The following PIK3C2G variants were observed in gnomAD, a reference collection of about 807,000 sequenced individuals.
The protein encoded by PIK3C2G is phosphatidylinositol-4-phosphate 3-kinase catalytic subunit type 2 gamma, also known as phosphatidylinositol 3-kinase C2 domain-containing subunit gamma.
PIK3C2G carries 168 observed loss-of-function variants against 181.1 expected under a neutral mutation model. The ratio of observed to expected loss-of-function variants is 0.93; its 90% CI spans 0.82 to 1.05. PIK3C2G has a LOEUF of 1.05. PIK3C2G is among the 50% of genes least tolerant of loss of function. The pLI, the probability that PIK3C2G is intolerant of heterozygous loss-of-function variation, is 0.00. For synonymous variants in PIK3C2G, 573 were observed against 592.2 expected (o/e 0.97, Z 0.47); for missense variants, 1,869 against 1,732.8 (o/e 1.08, Z -1.40).
chr12:18,325,171 T>G, intron 8 of PIK3C2G, 73 bp downstream of exon 8: 2 of 818,900 alleles, frequency 2.4e-6, no homozygotes, highest in Non-Finnish European at 4.0e-6. Flanking sequence ...TCTAAAACTT[T>G]GCAAATTTTG....
At chr12:18,426,248 C>T (rs1945806075) in intron 18 of PIK3C2G, among the ~76,000 whole-genome samples, 1 of 152,094 alleles carries the variant, frequency 6.6e-6, no homozygotes, top group Non-Finnish European at 1.5e-5. Flanking sequence ...CCTTTATACA[C>T]TTGACTATCT....
chr12:18,399,724 C>A lies in PIK3C2G; in HGVS notation c.2192C>A (p.Ser731Tyr). 1 of 1,602,950 alleles carries A rather than the reference C, an allele frequency of 6.2e-7. No individual in the cohort carries two copies. The highest frequency in any genetic ancestry group is 8.5e-7 in the Non-Finnish European group (1 of 1,171,938). ...YRFYCNNENC[S>Y]LPLVLGSAPG... ...TTCTACTGCAATAATGAAAACTGCT[C>A]CCTTCCTTTAGTCCTGGGTAGTGCC... The change falls in exon 16 of 33, where the codon TCC becomes TAC. Residue 731 changes from serine (S) to tyrosine (Y), a missense_variant. Transcript: ENST00000538779.
At chr12:18,598,561 G>A (rs1947511379) in intron 30 of PIK3C2G, among the ~76,000 whole-genome samples, 1 of 151,446 alleles carries the variant, frequency 6.6e-6, no homozygotes, top group Non-Finnish European at 1.5e-5. Context: ...GAAAACCTAG[G>A]CATTACCATT....
At chr12:18,366,253 G>A (rs989300807) in intron 12 of PIK3C2G, among the ~76,000 whole-genome samples, 1 of 152,100 alleles carries the variant, frequency 6.6e-6, no homozygotes, top group Non-Finnish European at 1.5e-5. Flanking sequence ...TCTAAACAAC[G>A]TACTTTCAGC....
Position 18,265,706 on chromosome 12 carries a change from G to T in PIK3C2G, c.-79+4129G>T, listed in dbSNP as rs532546399. On this transcript the variant is annotated intron_variant, in intron 1 of 32. Transcript: ENST00000538779. ...TAACTTTGCTTTAATTTTTTTATGT[G>T]TTTCTGTTACAAAAACTATGCAATA... Among the ~76,000 whole-genome samples the T allele has an allele frequency of 9.2e-5, 14 of 151,900 alleles. No homozygotes were observed. In the South Asian group the frequency reaches 2.7e-3, roughly 29 times the overall value.
chr12:18,378,226 A>C (rs1444477187), intron 13 of PIK3C2G, among the ~76,000 whole-genome samples: 3 of 152,210 alleles, frequency 2.0e-5, no homozygotes, highest in Non-Finnish European at 4.4e-5. Context: ...AAGACATAAA[A>C]ATATGGTAAG....
At chr12:18,505,587 C>A in intron 24 of PIK3C2G, 126 bp downstream of exon 24, 1 of 562,124 alleles carries the variant, frequency 1.8e-6, no homozygotes, top group Non-Finnish European at 2.9e-6. Flanking sequence ...GTAATATAAA[C>A]ATGATAATAT....
chr12:18,503,210 G>C, intron 22 of PIK3C2G, 71 bp from the exon 23 acceptor site: 1 of 1,175,100 alleles, frequency 8.5e-7, no homozygotes, highest in South Asian at 1.6e-5. Context: ...AGCTATTGTT[G>C]TTATATTTCC....
chr12:18,251,733 T>A (rs1403335197), intron 1 of PIK3C2G, among the ~76,000 whole-genome samples: 1 of 152,066 alleles, frequency 6.6e-6, no homozygotes, highest in Non-Finnish European at 1.5e-5. Context: ...GCTTGATTTT[T>A]GTTAAATTAA....
At chr12:18,370,206 C>T (rs1193498814) in intron 12 of PIK3C2G, among the ~76,000 whole-genome samples, 1 of 152,166 alleles carries the variant, frequency 6.6e-6, no homozygotes, top group Non-Finnish European at 1.5e-5. Context: ...TCAAAAGCCC[C>T]TTCTCAAACA....
chr12:18,613,836 G>T (rs1948465619), intron 31 of PIK3C2G, among the ~76,000 whole-genome samples: 1 of 152,082 alleles, frequency 6.6e-6, no homozygotes. Flanking sequence ...AATGTGGTGA[G>T]TTCGGTACTT....
chr12:18,395,585 A>G (rs1402820865), intron 15 of PIK3C2G, among the ~76,000 whole-genome samples: 1 of 149,620 alleles, frequency 6.7e-6, no homozygotes, highest in Non-Finnish European at 1.5e-5. Context: ...AATGAAAAAT[A>G]CCCCAAAATA....
chr12:18,417,539 A>C (rs1945250067), intron 16 of PIK3C2G, among the ~76,000 whole-genome samples: 1 of 152,158 alleles, frequency 6.6e-6, no homozygotes, highest in African/African-American at 2.4e-5. Flanking sequence ...AGCAACCACC[A>C]TCCTGATCAG....
chr12:18,341,600 T>A (rs1199016691), intron 9 of PIK3C2G, among the ~76,000 whole-genome samples: 1 of 152,184 alleles, frequency 6.6e-6, no homozygotes, highest in Non-Finnish European at 1.5e-5. Flanking sequence ...TTATTCTACA[T>A]CAGTTGCATT....
chr12:18,594,522 C>G lies in PIK3C2G; in HGVS notation c.4040C>G (p.Ser1347Cys), dbSNP rs1947251306. The G allele has an allele frequency of 6.4e-7, 1 of 1,554,628 alleles. No individual in the cohort carries two copies. Among genetic ancestry groups the G allele is most frequent in the Non-Finnish European group, 8.6e-7 (1 of 1,156,796 alleles). Reference protein sequence around the residue: ...NSDCVLSFFLSEAVQQTVEES... With the variant: ...NSDCVLSFFLCEAVQQTVEES... Reference sequence around the variant, plus strand: ...GATTGTGTACTTAGCTTTTTCCTCTCTGAGGCTGTGCAACAAACAGTTGAA... The same window carrying G: ...GATTGTGTACTTAGCTTTTTCCTCTGTGAGGCTGTGCAACAAACAGTTGAA... Residue 1347 changes from serine (S) to cysteine (C), a missense_variant, in exon 30 of 33, where the codon TCT becomes TGT. Physicochemically the swap from Ser to Cys is moderately radical, Grantham distance 112 (BLOSUM62 -1). Coordinates refer to ENST00000538779, the MANE Select transcript of PIK3C2G (RefSeq NM_001288772.2).
intron 24 of PIK3C2G, 104 bp downstream of exon 24, chr12:18,505,565 A>C: frequency 1.5e-6 from 1 of 682,384 alleles, no homozygotes; most frequent in Non-Finnish European, 2.3e-6. Context: ...CCCATCTCTC[A>C]AATCCCCCCA....
At chr12:18,706,299 C>T in the PIK3C2G span, among the ~76,000 whole-genome samples, 4 of 150,914 alleles carry the variant, frequency 2.7e-5, no homozygotes, top group Admixed American at 6.6e-5. Context: ...AAGTTATCTA[C>T]GGGTTTATGA....
chr12:18,641,742 G>GTTTTT, intron 32 of PIK3C2G, among the ~76,000 whole-genome samples: 1 of 97,110 alleles, frequency 1.0e-5, no homozygotes, highest in African/African-American at 5.6e-5. Flanking sequence ...TCTCTCTCAA[G>GTTTTT]CTTTTTTTTT....
chr12:18,389,073 C>G (rs796746695), intron 14 of PIK3C2G, among the ~76,000 whole-genome samples: 2 of 152,282 alleles, frequency 1.3e-5, no homozygotes, highest in African/African-American at 4.8e-5. Flanking sequence ...AAATTTGAAG[C>G]CAGGTGCGGT....
Sources: gnomAD v4.1 joint callset for allele counts (sites outside exome capture counted in the v4.1 genomes callset) on GRCh38, gnomAD v4.1.1 for gene constraint, MANE v1.5 for transcripts, NCBI Gene and HGNC (gene_info 2026-07-23, HGNC 2026-07-21) for gene names.